Variants in VPS26B observed in about 807,000 individuals in gnomAD.
VPS26B encodes the protein VPS26 retromer complex component B.
VPS26B carries 10 observed loss-of-function variants against 33.3 expected under a neutral mutation model. The ratio of observed to expected loss-of-function variants is 0.30; its 90% CI spans 0.19 to 0.51. VPS26B has a LOEUF of 0.51. VPS26B is among the 20% of genes least tolerant of loss of function. VPS26B has a pLI of 0.98. For synonymous variants in VPS26B, 190 were observed against 176.9 expected, an observed-to-expected ratio of 1.07 and a Z score of -0.59; for missense variants, 317 against 452.7, an observed-to-expected ratio of 0.70 and a Z score of 2.72.
At chr11:134,236,491 C>T (rs1460643980) in intron 2 of VPS26B, 3 of 152,084 alleles carry the variant, frequency 2.0e-5, no homozygotes, top group Non-Finnish European at 2.9e-5. Flanking sequence ...AACAGGATCT[C>T]GAACGGATAT....
chr11:134,230,998 T>C (rs901767970), intron 1 of VPS26B, among the ~76,000 whole-genome samples: 2 of 152,162 alleles, frequency 1.3e-5, no homozygotes, highest in African/African-American at 2.4e-5. Context: ...TTTAGGAAGA[T>C]GCAGTAGTCT....
rs1938824346 is a variant in VPS26B, at chr11:134,246,476, A to ATCCC, written c.*890_*893dup. The ATCCC allele has an allele frequency of 6.6e-6, 1 of 152,116 alleles. No homozygotes were observed. The highest frequency in any genetic ancestry group is 2.4e-5 in the African/African-American group (1 of 41,368). The allele number at this position is 152,116 out of a possible 1,614,324, so 9.4% of individuals were successfully genotyped here. ...GAACCAATCCCAGGAAGGGGCCTTG[A>ATCCC]TCCCTCCGCCTTGCTGAGAGTGAAC... is the stretch of plus-strand genomic sequence containing the variant. On this transcript the variant is annotated 3_prime_UTR_variant, in exon 6 of 6. Transcript: ENST00000281187.
At chr11:134,235,123 T>C in intron 2 of VPS26B, 70 bp downstream of exon 2, 1 of 1,535,324 alleles carries the variant, frequency 6.5e-7, no homozygotes, top group East Asian at 2.3e-5. Flanking sequence ...CCTGAGGCCG[T>C]CCCCACTTTG....
At chr11:134,231,493 A>G (rs1938554298) in intron 1 of VPS26B, among the ~76,000 whole-genome samples, 1 of 151,942 alleles carries the variant, frequency 6.6e-6, no homozygotes, top group East Asian at 1.9e-4. Context: ...GGGTGTGGTA[A>G]GCACGAATCC....
intron 2 of VPS26B, among the ~76,000 whole-genome samples, chr11:134,238,110 C>T (rs1224418053): frequency 2.6e-5 from 4 of 152,108 alleles, no homozygotes; most frequent in African/African-American, 4.8e-5. Flanking sequence ...TTTTAAAATG[C>T]GAATGCCTGT....
intron 2 of VPS26B, among the ~76,000 whole-genome samples, chr11:134,237,840 G>A (rs552558258): frequency 2.8e-4 from 42 of 152,306 alleles, no homozygotes; most frequent in African/African-American, 9.1e-4. Flanking sequence ...GGAGTGGTTC[G>A]TGGAGAAGCC....
chr11:134,245,112 C>T lies in VPS26B; in HGVS notation c.864+32C>T. 1.2e-6 allele frequency: 2 copies of T among 1,611,586 alleles called. No homozygotes were observed. The highest frequency in any genetic ancestry group is 1.1e-5 in the South Asian group (1 of 90,858). On this transcript the variant is annotated intron_variant, in intron 5 of 5. Transcript: ENST00000281187. This position sits in a 1 kb window ranked among gnomAD's most constrained non-coding sequence, Gnocchi z 4.7. ...GCCAGGCTCCTCCAGGCCCCGATGCCCTTGGGACAGAACAGGAGGCTCTCT... is the reference window on the plus strand; with the variant it reads ...GCCAGGCTCCTCCAGGCCCCGATGCTCTTGGGACAGAACAGGAGGCTCTCT...
chr11:134,242,261 A>C (rs960227710), intron 3 of VPS26B, among the ~76,000 whole-genome samples: 2 of 152,132 alleles, frequency 1.3e-5, no homozygotes, highest in African/African-American at 4.8e-5. Context: ...GGTGGTGTGA[A>C]ACAGTGGGGA....
chr11:134,226,775 C>T (rs1325489068), intron 1 of VPS26B, among the ~76,000 whole-genome samples: 1 of 152,134 alleles, frequency 6.6e-6, no homozygotes, highest in Non-Finnish European at 1.5e-5. Context: ...AACACGGAGA[C>T]ACAGGTAGGA....
At chr11:134,226,122 C>T (rs1938463706) in intron 1 of VPS26B, among the ~76,000 whole-genome samples, 1 of 152,170 alleles carries the variant, frequency 6.6e-6, no homozygotes, top group African/African-American at 2.4e-5. Context: ...TAGACAGCGC[C>T]AGGCACAGTG....
chr11:134,229,481 T>A (rs1258855661), intron 1 of VPS26B, among the ~76,000 whole-genome samples: 1 of 152,174 alleles, frequency 6.6e-6, no homozygotes, highest in Non-Finnish European at 1.5e-5. Context: ...CCTCTCTCTG[T>A]CTCTGCTTCA....
Position 134,240,186 on chromosome 11 carries a change from G to C in VPS26B, c.545+31G>C, listed in dbSNP as rs753363505. ...TGTCTCAGTGCCAAGGTTGTGAAATGATTATTTAAGGAGGTTAAGATGGGA... is the reference window on the plus strand; with the variant it reads ...TGTCTCAGTGCCAAGGTTGTGAAATCATTATTTAAGGAGGTTAAGATGGGA... On this transcript the variant is annotated intron_variant, in intron 3 of 5. Coordinates refer to ENST00000281187, the MANE Select transcript of VPS26B (RefSeq NM_052875.5). This position sits in a 1 kb window ranked among gnomAD's most constrained non-coding sequence, Gnocchi z 4.4. The C allele has an allele frequency of 3.7e-6, 6 of 1,611,906 alleles. No homozygotes were observed. In the Admixed American group the frequency reaches 1.0e-4, roughly 27 times the overall value.
chr11:134,238,356 T>A (rs930306691), intron 2 of VPS26B, among the ~76,000 whole-genome samples: 13 of 152,134 alleles, frequency 8.5e-5, no homozygotes, highest in African/African-American at 3.1e-4. Context: ...AAGTCTTGAC[T>A]GGGAAGGCCT....
rs150789700 is a variant in VPS26B, at chr11:134,225,150, G to C, written c.28G>C (p.Val10Leu). Residue 10 changes from valine to leucine, a missense_variant, in exon 1 of 6, where the codon GTG becomes CTG. Transcript: ENST00000281187. ...GAGCTTCTTCGGCTTCGGGCAGAGC[G>C]TGGAGGTGGAAATCCTTCTGAACGA... is the stretch of plus-strand genomic sequence containing the variant. Reference protein sequence around the residue: MSFFGFGQSVEVEILLNDAE... With the variant: MSFFGFGQSLEVEILLNDAE... 3.1e-5 allele frequency: 50 copies of C among 1,612,838 alleles called. No individual in the cohort carries two copies. The East Asian group carries it at 6.2e-4, about 20-fold the overall frequency.
chr11:134,237,290 G>T (rs1591880832), intron 2 of VPS26B, among the ~76,000 whole-genome samples: 1 of 152,156 alleles, frequency 6.6e-6, no homozygotes, highest in African/African-American at 2.4e-5. Flanking sequence ...TATGATTTTG[G>T]TGGCTGTAAT....
chr11:134,244,880 G>GTAT lies in VPS26B; in HGVS notation c.722-57_722-55dup. The stretch of plus-strand genomic sequence containing the variant: ...TCTCTGCAGTGGTCAGAGTGACCTG[G>GTAT]TATAAGGGAGAGGGCATCACCTTGC... On this transcript the variant is annotated intron_variant, in intron 4 of 5. Transcript: ENST00000281187. The surrounding 1 kb of genome is among the most constrained non-coding windows in gnomAD (Gnocchi z 4.0). The GTAT allele has an allele frequency of 6.3e-7, 1 of 1,583,494 alleles. No individual in the cohort carries two copies. The highest frequency in any genetic ancestry group is 1.1e-5 in the South Asian group (1 of 87,140).
chr11:134,224,694 C>G lies in VPS26B; in HGVS notation c.-429C>G, dbSNP rs1178143742. The stretch of plus-strand genomic sequence containing the variant: ...CCGGAGCCGCCGAAGCGCCTCGGTG[C>G]GTTGCACCGCCGGAGGCTGGGCAGC... On this transcript the variant is annotated 5_prime_UTR_variant, in exon 1 of 6. Coordinates refer to ENST00000281187, the MANE Select transcript of VPS26B (RefSeq NM_052875.5). 6.6e-6 allele frequency: 1 copy of G among 152,124 alleles called. No homozygotes were observed. Among genetic ancestry groups the G allele is most frequent in the Admixed American group, 6.5e-5 (1 of 15,274 alleles). 9.4% of individuals were successfully genotyped at this position (152,124 alleles called of 1,614,324 possible). A position where few individuals can be genotyped will look rare whatever the true frequency, so the allele number is the denominator to read the frequency against.
At chr11:134,233,133 T>A (rs1938580896) in intron 1 of VPS26B, among the ~76,000 whole-genome samples, 1 of 152,202 alleles carries the variant, frequency 6.6e-6, no homozygotes. Flanking sequence ...AATAAAAGAT[T>A]GTGGCTGATT....
chr11:134,225,279 G>A lies in VPS26B; in HGVS notation c.157G>A (p.Ala53Thr), dbSNP rs780349854. 11 of 1,614,118 alleles carry A rather than the reference G, an allele frequency of 6.8e-6. No homozygotes were observed. Among genetic ancestry groups the A allele is most frequent in the Non-Finnish European group, 9.3e-6 (11 of 1,179,988 alleles). Residue 53 changes from alanine (A) to threonine (T), a missense_variant, in exon 1 of 6, where the codon GCC (alanine) becomes ACC (threonine). Coordinates refer to ENST00000281187, the MANE Select transcript of VPS26B (RefSeq NM_052875.5). ...GETVSGKVSL[A>T]LKNPNKRLEH... ...GACGGTCTCCGGGAAGGTGAGCCTT[G>A]CCCTCAAGAACCCCAACAAGCGGCT...
Sources: allele counts gnomAD v4.1 joint callset (sites outside exome capture counted in the v4.1 genomes callset), GRCh38; gene constraint gnomAD v4.1.1; non-coding constraint Gnocchi (gnomAD v3.1); transcripts MANE v1.5; gene names NCBI Gene and HGNC (gene_info 2026-07-23, HGNC 2026-07-21).